CAPN7: variants seen among roughly 807,000 people sequenced by gnomAD.
CAPN7 encodes the protein calpain-7.
Under a neutral mutation model 115.2 loss-of-function variants are expected in CAPN7, and 72 were observed. The ratio of observed to expected loss-of-function variants is 0.63; its 90% CI spans 0.52 to 0.76. The LOEUF (loss-of-function observed/expected upper bound fraction) is 0.76. Among genes scored for constraint, CAPN7 ranks in the 30% least tolerant of loss-of-function variants. The pLI is 0.00. For missense variants in CAPN7, 905 were observed against 971.5 expected, an observed-to-expected ratio of 0.93 and a Z score of 0.91; for synonymous variants, 344 against 322.3, an observed-to-expected ratio of 1.07 and a Z score of -0.72.
rs534411274 is a variant in CAPN7, at chr3:15,252,689, T to C, written c.*1429T>C. The C allele has an allele frequency of 7.9e-5, 12 of 152,204 alleles. No individual in the cohort carries two copies. Among genetic ancestry groups the C allele is most frequent in the African/African-American group, 2.9e-4 (12 of 41,476 alleles). 9.4% of individuals were successfully genotyped at this position (152,204 alleles called of 1,614,324 possible). A position where few individuals can be genotyped will look rare whatever the true frequency, so the allele number is the denominator to read the frequency against. ...TATATGAACAACTTAAAGGCACTGA[T>C]TTCTATAATAGAGCTCTAAAAACAT... On this transcript the variant is annotated 3_prime_UTR_variant, in exon 21 of 21. Coordinates refer to ENST00000253693, the MANE Select transcript of CAPN7 (RefSeq NM_014296.3).
chr3:15,230,600 G>A, intron 9 of CAPN7, 65 bp downstream of exon 9: 2 of 939,896 alleles, frequency 2.1e-6, no homozygotes, highest in Non-Finnish European at 3.4e-6. Context: ...TGAATCTTGA[G>A]TGAAATCATT....
intron 1 of CAPN7, among the ~76,000 whole-genome samples, chr3:15,210,309 A>C (rs752967318): frequency 1.2e-4 from 19 of 152,182 alleles, no homozygotes; most frequent in Non-Finnish European, 2.6e-4. Context: ...TTTGGAAATT[A>C]ATAATCACAT....
At chr3:15,235,282 C>T in intron 12 of CAPN7, 137 bp downstream of exon 12, 1 of 705,648 alleles carries the variant, frequency 1.4e-6, no homozygotes, top group South Asian at 2.4e-5. Context: ...CCTACATTAA[C>T]TTGATCTCTA....
At chr3:15,245,933 A>C in intron 17 of CAPN7, 1 of 292,868 alleles carries the variant, frequency 3.4e-6, no homozygotes, top group Non-Finnish European at 6.3e-6. Context: ...TTGGACTAAT[A>C]ATACATTTCT....
rs2044636653 is a variant in CAPN7 at position 15,206,602 on chromosome 3, G to T, written c.102+5G>T. On this transcript the variant is annotated splice_donor_5th_base_variant and intron_variant, in intron 1 of 20. Coordinates refer to ENST00000253693, the MANE Select transcript of CAPN7 (RefSeq NM_014296.3). The stretch of plus-strand genomic sequence containing the variant: ...GAGGCGGTGTTTTATTACAAGGTAG[G>T]GCCGGGCCCGGCGCTTCGGTCGGAG... 6.5e-7 allele frequency: 1 copy of T among 1,540,010 alleles called. No homozygotes were observed. Among genetic ancestry groups the T allele is most frequent in the African/African-American group, 1.4e-5 (1 of 71,752 alleles).
rs1451276029 is a variant in CAPN7 at position 15,221,135 on chromosome 3, A to G, written c.638+154A>G. Reference sequence around the variant, plus strand: ...ATATCATCATGTAGTCACAACTTGAAATAGTTAAAATTTTAGTTCTGATAT... The same window carrying G: ...ATATCATCATGTAGTCACAACTTGAGATAGTTAAAATTTTAGTTCTGATAT... On this transcript the variant is annotated intron_variant, in intron 5 of 20. Transcript: ENST00000253693. 8 of 539,396 alleles carry G rather than the reference A, an allele frequency of 1.5e-5. No homozygotes were observed. In the East Asian group the frequency reaches 2.1e-4, roughly 14 times the overall value. The allele number at this position is 539,396 out of a possible 1,614,324, so 33.4% of individuals were successfully genotyped here. A position where few individuals can be genotyped will look rare whatever the true frequency, so the allele number is the denominator to read the frequency against.
At chr3:15,228,888 T>C in intron 7 of CAPN7, 86 bp from the exon 8 acceptor site, 3 of 941,756 alleles carry the variant, frequency 3.2e-6, no homozygotes, top group East Asian at 2.5e-5. Context: ...GTATAAAAAG[T>C]AGGTACTTGG....
rs1203256641 is a variant in CAPN7, at chr3:15,206,342, C to T, written c.-154C>T. On this transcript the variant is annotated 5_prime_UTR_variant, in exon 1 of 21. In the 5' UTR this introduces an upstream ATG that the reference lacks. Coordinates refer to ENST00000253693, the MANE Select transcript of CAPN7 (RefSeq NM_014296.3). ...TTCGCGGTGGACCCCAGCCCGGCAA[C>T]GGGAAGGCGAGCTCTCCTCCACCGT... The T allele has an allele frequency of 2.8e-5, 16 of 569,742 alleles. No individual in the cohort carries two copies. The highest frequency in any genetic ancestry group is 2.4e-5 in the Non-Finnish European group (8 of 329,442). 35.3% of individuals were successfully genotyped at this position (569,742 alleles called of 1,614,324 possible).
chr3:15,227,265 A>G (rs1559396900), intron 6 of CAPN7, among the ~76,000 whole-genome samples: 1 of 152,200 alleles, frequency 6.6e-6, no homozygotes, highest in African/African-American at 2.4e-5. Context: ...TTCAGATGCC[A>G]GTTCTGCTGT....
At chr3:15,242,125 A>G in intron 15 of CAPN7, 53 bp from the exon 16 acceptor site, 1 of 1,148,530 alleles carries the variant, frequency 8.7e-7, no homozygotes, top group African/African-American at 1.6e-5. Context: ...AAAAGAAAAT[A>G]AATAGCATTT....
At chr3:15,216,999 A>G (rs1693648559) in intron 2 of CAPN7, among the ~76,000 whole-genome samples, 1 of 151,574 alleles carries the variant, frequency 6.6e-6, no homozygotes, top group Non-Finnish European at 1.5e-5. Flanking sequence ...TCACTTTGGG[A>G]GGCTGAAACT....
chr3:15,230,381 G>A, intron 8 of CAPN7, 61 bp from the exon 9 acceptor site: 2 of 1,076,116 alleles, frequency 1.9e-6, no homozygotes, highest in East Asian at 4.7e-5. Flanking sequence ...GAAATGTGCT[G>A]TATAGTAGTT....
intron 2 of CAPN7, among the ~76,000 whole-genome samples, chr3:15,217,145 G>A (rs1287481112): frequency 6.6e-6 from 1 of 151,926 alleles, no homozygotes; most frequent in Admixed American, 6.6e-5. Flanking sequence ...TACTCAGGAG[G>A]CTGAGGTGGG....
chr3:15,233,801 A>C (rs1694833238), intron 10 of CAPN7, 66 bp from the exon 11 acceptor site: 1 of 826,742 alleles, frequency 1.2e-6, no homozygotes, highest in African/African-American at 1.7e-5. Flanking sequence ...GAGATGTAAT[A>C]GCTGCTCTGG....
At position 15,240,474 on chromosome 3, in the gene CAPN7, G is replaced by A. The variant is rs1695275041; in HGVS notation, c.1409G>A (p.Gly470Glu). ...ATCTCCTGTTTCTTTTTTATATAGGGGCTGCGATTTATCCAGTTGAAAAAT... is the reference window on the plus strand; with the variant it reads ...ATCTCCTGTTTCTTTTTTATATAGGAGCTGCGATTTATCCAGTTGAAAAAT... ...YAVLDIREFK[G>E]LRFIQLKNPW... The change falls in exon 13 of 21, where the codon GGG becomes GAG. Residue 470 changes from glycine (G) to glutamate (E), a missense_variant and splice_region_variant. Gly to Glu is a moderately conservative substitution (Grantham distance 98, BLOSUM62 -2). Around this residue, in one of 3 missense-constraint regions of CAPN7, gnomAD observed 620 missense variants for 703.4 expected, o/e 0.88. Transcript: ENST00000253693. 5 of 1,608,544 alleles carry A rather than the reference G, an allele frequency of 3.1e-6. No individual in the cohort carries two copies. Among genetic ancestry groups the A allele is most frequent in the African/African-American group, 1.3e-5 (1 of 74,600 alleles).
At chr3:15,234,697 T>A (rs1219103144) in intron 11 of CAPN7, among the ~76,000 whole-genome samples, 1 of 152,178 alleles carries the variant, frequency 6.6e-6, no homozygotes, top group Non-Finnish European at 1.5e-5. Context: ...GCTCAGTGAT[T>A]TGATAAATAA....
chr3:15,217,406 A>ATT lies in CAPN7; in HGVS notation c.212-11_212-10dup, dbSNP rs577905388. The ATT allele has an allele frequency of 3.2e-6, 5 of 1,539,698 alleles. No individual in the cohort carries two copies. The Admixed American group carries it at 7.5e-5, about 23-fold the overall frequency. ...TATTTAGATAATACTCCTTCTGCGT[A>ATT]TTTTTTTTTCTATCCTAGTTCAGTC... On this transcript the variant is annotated intron_variant, in intron 2 of 20. Coordinates refer to ENST00000253693, the MANE Select transcript of CAPN7 (RefSeq NM_014296.3).
intron 14 of CAPN7, 50 bp downstream of exon 14, chr3:15,240,903 C>T (rs1187510002): frequency 8.4e-7 from 1 of 1,189,522 alleles, no homozygotes; most frequent in Non-Finnish European, 1.2e-6. Flanking sequence ...ATCCACTTTC[C>T]TCACTTAAAA....
chr3:15,222,000 A>G (rs574066259), intron 5 of CAPN7, among the ~76,000 whole-genome samples: 44 of 151,774 alleles, frequency 2.9e-4, no homozygotes, highest in South Asian at 1.5e-3. Context: ...ATACGTATAC[A>G]TATACGTATA....
Sources: allele counts gnomAD v4.1 joint callset (sites outside exome capture counted in the v4.1 genomes callset), GRCh38; gene constraint gnomAD v4.1.1; regional missense constraint gnomAD v4.1.1; transcripts MANE v1.5; gene names NCBI Gene and HGNC (gene_info 2026-07-23, HGNC 2026-07-21).